Variants in DLG2 observed in about 807,000 individuals in gnomAD.
DLG2 encodes disks large homolog 2.
In DLG2, 45 loss-of-function variants were observed where a neutral mutation model predicts 132.5. That is an observed-to-expected ratio of 0.34 (90% CI 0.27 to 0.44). DLG2 has a LOEUF of 0.44. Among genes scored for constraint, DLG2 ranks in the 20% least tolerant of loss-of-function variants. DLG2 has a pLI of 1.00. For synonymous variants in DLG2, 424 were observed against 419.6 expected, an observed-to-expected ratio of 1.01 and a Z score of -0.13; for missense variants, 1,045 against 1,196.9, an observed-to-expected ratio of 0.87 and a Z score of 1.87.
chr11:84,448,644 A>G (rs1744512740), intron 7 of DLG2, among the ~76,000 whole-genome samples: 1 of 151,714 alleles, frequency 6.6e-6, no homozygotes, highest in African/African-American at 2.4e-5. Context: ...GTCTATGAAA[A>G]TTTTTCCAGA....
chr11:84,324,661 T>G (rs1052905438), intron 7 of DLG2, among the ~76,000 whole-genome samples: 1 of 152,152 alleles, frequency 6.6e-6, no homozygotes, highest in African/African-American at 2.4e-5. Context: ...TATCTTTCAA[T>G]CCATGCACAT....
At chr11:83,616,440 G>A (rs1007644050) in intron 19 of DLG2, among the ~76,000 whole-genome samples, 1 of 151,544 alleles carries the variant, frequency 6.6e-6, no homozygotes, top group Non-Finnish European at 1.5e-5. Flanking sequence ...TGAATTGACC[G>A]TTTTACATAT....
intron 6 of DLG2, among the ~76,000 whole-genome samples, chr11:84,576,920 T>A (rs1164394618): frequency 1.3e-5 from 2 of 152,170 alleles, no homozygotes; most frequent in Admixed American, 1.3e-4. Flanking sequence ...TGTGTCTCCA[T>A]CCAAATCTTA....
chr11:84,935,293 G>A (rs952663885), intron 6 of DLG2, among the ~76,000 whole-genome samples: 6 of 152,104 alleles, frequency 3.9e-5, no homozygotes, highest in Non-Finnish European at 7.4e-5. Flanking sequence ...CCAGATCTAT[G>A]AAAGAGATCT....
At chr11:84,568,213 G>A (rs945541499) in intron 6 of DLG2, among the ~76,000 whole-genome samples, 3 of 152,136 alleles carry the variant, frequency 2.0e-5, no homozygotes, top group Admixed American at 1.3e-4. Context: ...GATCAGAAAC[G>A]CCAACCAACC....
intron 17 of DLG2, among the ~76,000 whole-genome samples, chr11:83,798,711 G>A (rs1237521029): frequency 6.6e-6 from 1 of 152,106 alleles, no homozygotes; most frequent in East Asian, 1.9e-4. Flanking sequence ...GGAAGAAATT[G>A]GTGTAGGATC....
chr11:84,086,491 C>T (rs1430719684), intron 10 of DLG2, among the ~76,000 whole-genome samples: 2 of 110,488 alleles, frequency 1.8e-5, no homozygotes, highest in East Asian at 2.4e-4. Flanking sequence ...TTCTTTCTTT[C>T]TTTTTTTTTT....
At chr11:84,708,241 G>A (rs191877030) in intron 6 of DLG2, among the ~76,000 whole-genome samples, 9 of 151,944 alleles carry the variant, frequency 5.9e-5, no homozygotes, top group African/African-American at 2.2e-4. Flanking sequence ...TAGAGATGTT[G>A]TATTAAGGGA....
chr11:84,169,358 C>T (rs1174855361), intron 8 of DLG2, among the ~76,000 whole-genome samples: 1 of 152,134 alleles, frequency 6.6e-6, no homozygotes, highest in African/African-American at 2.4e-5. Context: ...GTTCTGGATA[C>T]AAATCTATAA....
intron 6 of DLG2, among the ~76,000 whole-genome samples, chr11:84,894,238 T>C (rs2089875036): frequency 6.6e-6 from 1 of 152,178 alleles, no homozygotes; most frequent in Non-Finnish European, 1.5e-5. Context: ...TCTTTAATCA[T>C]TTCATGTTAA....
chr11:85,476,251 T>C (rs1203845782), intron 3 of DLG2, among the ~76,000 whole-genome samples: 1 of 152,036 alleles, frequency 6.6e-6, no homozygotes. Flanking sequence ...ATATGAAAGA[T>C]TTTTAAACGA....
At chr11:84,551,965 G>A (rs751021317) in intron 6 of DLG2, among the ~76,000 whole-genome samples, 15 of 152,066 alleles carry the variant, frequency 9.9e-5, no homozygotes, top group Admixed American at 2.0e-4. Context: ...TTCCAGAGTG[G>A]GGTCCATCTA....
intron 15 of DLG2, among the ~76,000 whole-genome samples, chr11:83,904,184 A>G (rs2074164179): frequency 6.6e-6 from 1 of 152,164 alleles, no homozygotes; most frequent in Admixed American, 6.6e-5. Context: ...CTAAGGGATT[A>G]TTCGGGTCCT....
intron 3 of DLG2, among the ~76,000 whole-genome samples, chr11:85,290,197 T>C (rs2078807459): frequency 6.6e-6 from 1 of 152,140 alleles, no homozygotes. Context: ...ATTGTTTAGA[T>C]TACATTTTTA....
At chr11:84,232,281 G>T in intron 8 of DLG2, among the ~76,000 whole-genome samples, 1 of 151,664 alleles carries the variant, frequency 6.6e-6, no homozygotes, top group African/African-American at 2.4e-5. Context: ...CTTCCTTTTT[G>T]TTTGTTACCT....
At chr11:84,619,631 T>C (rs1276180212) in intron 6 of DLG2, among the ~76,000 whole-genome samples, 1 of 151,090 alleles carries the variant, frequency 6.6e-6, no homozygotes, top group Non-Finnish European at 1.5e-5. Context: ...GGGAGAAAAA[T>C]CATGATCATC....
intron 3 of DLG2, among the ~76,000 whole-genome samples, chr11:85,548,149 G>T (rs2076445461): frequency 6.6e-6 from 1 of 152,144 alleles, no homozygotes. Flanking sequence ...TTTGAAGTCG[G>T]TGATCTTTGG....
At chr11:84,220,463 T>C (rs548407278) in intron 8 of DLG2, among the ~76,000 whole-genome samples, 1 of 152,356 alleles carries the variant, frequency 6.6e-6, no homozygotes, top group African/African-American at 2.4e-5. Flanking sequence ...AACTTACTTA[T>C]GTTGGTTTCT....
At chr11:83,560,992 A>G (rs2096600267) in intron 19 of DLG2, among the ~76,000 whole-genome samples, 1 of 117,406 alleles carries the variant, frequency 8.5e-6, no homozygotes, top group South Asian at 2.8e-4. Flanking sequence ...TTCTAGGGAA[A>G]CCTCAGGAAA....
Sources: gnomAD v4.1 joint callset for allele counts (sites outside exome capture counted in the v4.1 genomes callset) on GRCh38, gnomAD v4.1.1 for gene constraint, MANE v1.5 for transcripts, NCBI Gene and HGNC (gene_info 2026-07-23, HGNC 2026-07-21) for gene names.